Variants in RXFP1 observed in about 807,000 individuals in gnomAD.
RXFP1 encodes relaxin family peptide receptor 1.
In RXFP1, 73 loss-of-function variants were observed where a neutral mutation model predicts 89.8. The observed-to-expected ratio is 0.81, with a 90% confidence interval of 0.67 to 0.99. The LOEUF (loss-of-function observed/expected upper bound fraction) is 0.99. RXFP1 is among the 50% of genes least tolerant of loss of function. The pLI, the probability that RXFP1 is intolerant of heterozygous loss-of-function variation, is 0.00. For missense variants in RXFP1, 793 were observed against 895.5 expected, an observed-to-expected ratio of 0.89 and a Z score of 1.46; for synonymous variants, 277 against 305.5, an observed-to-expected ratio of 0.91 and a Z score of 0.97.
chr4:158,598,239 A>G (rs903888567), intron 3 of RXFP1, among the ~76,000 whole-genome samples: 3 of 152,228 alleles, frequency 2.0e-5, no homozygotes, highest in Non-Finnish European at 4.4e-5. Flanking sequence ...GTTAGCTAAT[A>G]TCAGTTTTTA....
At chr4:158,628,795 A>G in intron 11 of RXFP1, 86 bp downstream of exon 11, 1 of 609,012 alleles carries the variant, frequency 1.6e-6, no homozygotes, top group Non-Finnish European at 2.7e-6. Context: ...TACATTTAAG[A>G]AATATTACTT....
intron 2 of RXFP1, among the ~76,000 whole-genome samples, chr4:158,586,795 G>T (rs1234101637): frequency 6.6e-6 from 1 of 152,036 alleles, no homozygotes; most frequent in Non-Finnish European, 1.5e-5. Flanking sequence ...TTGTTTGTTT[G>T]ATGATGTTGC....
chr4:158,559,484 T>A (rs1021562271), intron 1 of RXFP1, among the ~76,000 whole-genome samples: 5 of 152,128 alleles, frequency 3.3e-5, no homozygotes, highest in Non-Finnish European at 7.4e-5. Context: ...AGGTGACAAA[T>A]AAAGGCTAGA....
At position 158,651,402 on chromosome 4, in the gene RXFP1, G is replaced by A. The variant is rs184437447; in HGVS notation, c.1976-355G>A. Among the ~76,000 whole-genome samples, 16 of 152,134 alleles carry A rather than the reference G, an allele frequency of 1.1e-4. No individual in the cohort carries two copies. The East Asian group carries it at 1.7e-3, about 17-fold the overall frequency. On this transcript the variant is annotated intron_variant, in intron 17 of 17. Coordinates refer to ENST00000307765, the MANE Select transcript of RXFP1 (RefSeq NM_021634.4). ...ACTCAAAAAGTGTTTTAATTATTAAGCACTTAAATTTATGACTTAAATACT... is the reference window on the plus strand; with the variant it reads ...ACTCAAAAAGTGTTTTAATTATTAAACACTTAAATTTATGACTTAAATACT...
intron 1 of RXFP1, among the ~76,000 whole-genome samples, chr4:158,538,030 G>T (rs1745686028): frequency 6.6e-6 from 1 of 152,198 alleles, no homozygotes; most frequent in Non-Finnish European, 1.5e-5. Flanking sequence ...AGACTCTAAA[G>T]TCAGACCAAA....
chr4:158,542,294 G>A (rs1054052467), intron 1 of RXFP1, among the ~76,000 whole-genome samples: 17 of 150,962 alleles, frequency 1.1e-4, no homozygotes, highest in East Asian at 1.9e-4. Context: ...TGCATTCAGC[G>A]GCCGCAGCTG....
chr4:158,619,390 G>A (rs1765179281), intron 9 of RXFP1, among the ~76,000 whole-genome samples: 1 of 152,198 alleles, frequency 6.6e-6, no homozygotes, highest in Non-Finnish European at 1.5e-5. Flanking sequence ...CAAGCAACAA[G>A]AAGATGTGGG....
intron 2 of RXFP1, among the ~76,000 whole-genome samples, chr4:158,582,138 G>A (rs180824641): frequency 2.0e-5 from 3 of 152,240 alleles, no homozygotes; most frequent in East Asian, 3.9e-4. Context: ...CTACCACATT[G>A]GGGATTACAT....
intron 1 of RXFP1, among the ~76,000 whole-genome samples, chr4:158,562,523 CAAAAAAAAAAAAAAA>C (rs55944906): frequency 3.9e-5 from 1 of 25,330 alleles, no homozygotes; most frequent in African/African-American, 1.3e-4. Context: ...GACTCCGTCT[CAAAAAAAAAAAAAAA>C]AAAAAAAAAA....
At chr4:158,639,571 C>G (rs770104485) in intron 14 of RXFP1, among the ~76,000 whole-genome samples, 7 of 152,106 alleles carry the variant, frequency 4.6e-5, no homozygotes, top group Non-Finnish European at 1.0e-4. Flanking sequence ...GATTAGTGCC[C>G]TTAGAAAACA....
chr4:158,528,328 A>AC (rs1322728426), intron 1 of RXFP1, among the ~76,000 whole-genome samples: 3 of 151,850 alleles, frequency 2.0e-5, no homozygotes, highest in African/African-American at 4.8e-5. Flanking sequence ...ACATGGCGCG[A>AC]CCCCCCATCT....
chr4:158,606,515 T>A (rs1447254992), intron 5 of RXFP1, among the ~76,000 whole-genome samples: 1 of 152,126 alleles, frequency 6.6e-6, no homozygotes, highest in South Asian at 2.1e-4. Context: ...AACAAACAAA[T>A]GCATGATAAA....
intron 1 of RXFP1, among the ~76,000 whole-genome samples, chr4:158,557,649 C>A (rs1025545887): frequency 3.9e-5 from 6 of 152,298 alleles, no homozygotes; most frequent in African/African-American, 1.4e-4. Flanking sequence ...CAGGCGTAAG[C>A]CACTGCGCCC....
intron 1 of RXFP1, among the ~76,000 whole-genome samples, chr4:158,522,914 A>G (rs758991976): frequency 1.3e-5 from 2 of 152,198 alleles, no homozygotes; most frequent in Non-Finnish European, 2.9e-5. Flanking sequence ...GAGCTCTTCT[A>G]TTAAGGAATG....
At chr4:158,593,575 T>TA (rs572248331) in intron 3 of RXFP1, 76 bp downstream of exon 3, 6 of 725,146 alleles carry the variant, frequency 8.3e-6, no homozygotes, top group Non-Finnish European at 8.5e-6. Context: ...TTCAACATTT[T>TA]AAAAAAAGAT....
chr4:158,566,405 C>T (rs1035616835), intron 1 of RXFP1, among the ~76,000 whole-genome samples: 25 of 151,760 alleles, frequency 1.6e-4, no homozygotes, highest in African/African-American at 4.1e-4. Context: ...CTCTTGTTGC[C>T]GAGGCTGGAG....
intron 1 of RXFP1, among the ~76,000 whole-genome samples, chr4:158,561,722 G>T (rs529297706): frequency 6.7e-6 from 1 of 150,144 alleles, no homozygotes; most frequent in South Asian, 2.1e-4. Context: ...CCACCTCCCG[G>T]GTTCAAGTGA....
chr4:158,589,757 T>C (rs1759051409), intron 2 of RXFP1, among the ~76,000 whole-genome samples: 1 of 152,136 alleles, frequency 6.6e-6, no homozygotes, highest in Non-Finnish European at 1.5e-5. Flanking sequence ...AATGTTCACT[T>C]AAAAGATATG....
rs148259491 is a variant in RXFP1 at position 158,650,373 on chromosome 4, T to C, written c.1976-1384T>C. Among the ~76,000 whole-genome samples, 25 of 151,628 alleles carry C rather than the reference T, an allele frequency of 1.6e-4. No homozygotes were observed. The East Asian group carries it at 2.7e-3, about 16-fold the overall frequency. On this transcript the variant is annotated intron_variant, in intron 17 of 17. Transcript: ENST00000307765. The stretch of plus-strand genomic sequence containing the variant: ...CCACTTAAAATGGTTACATGGTAAA[T>C]TTTATGTTATGCATATTTTACCACA...
Sources: gnomAD v4.1 joint callset for allele counts (sites outside exome capture counted in the v4.1 genomes callset) on GRCh38, gnomAD v4.1.1 for gene constraint, MANE v1.5 for transcripts, NCBI Gene and HGNC (gene_info 2026-07-23, HGNC 2026-07-21) for gene names.